Variants in SLC60A1 observed in about 807,000 individuals in gnomAD.
SLC60A1 encodes solute carrier family 60 member 1.
At chr1:205,569,858 C>G in the SLC60A1 span, among the ~76,000 whole-genome samples, 1 of 152,150 alleles carries the variant, frequency 6.6e-6, no homozygotes, top group East Asian at 1.9e-4. Flanking sequence ...CAGGCTGTCC[C>G]TTCCCCCGGG....
the SLC60A1 span, among the ~76,000 whole-genome samples, chr1:205,590,211 G>A: frequency 2.6e-5 from 4 of 152,190 alleles, no homozygotes; most frequent in Admixed American, 6.5e-5. Context: ...CAGGTGAAAC[G>A]TGGAGCAGGG....
chr1:205,577,843 A>T, the SLC60A1 span, among the ~76,000 whole-genome samples: 2 of 152,228 alleles, frequency 1.3e-5, no homozygotes, highest in East Asian at 3.8e-4. The surrounding 1 kb of genome is among the most constrained non-coding windows in gnomAD (Gnocchi z 5.2). Flanking sequence ...CTGCTATCTT[A>T]GCTTTTCTCA....
the SLC60A1 span, among the ~76,000 whole-genome samples, chr1:205,595,331 G>C: frequency 6.6e-6 from 1 of 152,144 alleles, no homozygotes; most frequent in Admixed American, 6.5e-5. Flanking sequence ...CCTCTGCCTG[G>C]AACATCCTCC....
the SLC60A1 span, among the ~76,000 whole-genome samples, chr1:205,595,971 A>ACC: frequency 6.6e-6 from 1 of 152,234 alleles, no homozygotes; most frequent in South Asian, 2.1e-4. Flanking sequence ...TGTGAGCTGG[A>ACC]CCAGAATCTA....
chr1:205,582,158 G>T, the SLC60A1 span, among the ~76,000 whole-genome samples: 2 of 152,124 alleles, frequency 1.3e-5, no homozygotes, highest in South Asian at 4.1e-4. Context: ...CTTTGGGCCC[G>T]TTCCTTCCAG....
chr1:205,578,622 G>A, the SLC60A1 span, among the ~76,000 whole-genome samples: 2 of 152,202 alleles, frequency 1.3e-5, no homozygotes, highest in Admixed American at 6.5e-5. Context: ...TGAGGGCCAA[G>A]GCCAAGAGCC....
At chr1:205,584,206 A>G in the SLC60A1 span, 2 of 1,176,222 alleles carry the variant, frequency 1.7e-6, no homozygotes, top group Non-Finnish European at 1.2e-6. Flanking sequence ...GAGTGAACCT[A>G]GATCACAGGT....
At chr1:205,583,602 T>C in the SLC60A1 span, among the ~76,000 whole-genome samples, 1 of 152,228 alleles carries the variant, frequency 6.6e-6, no homozygotes, top group Admixed American at 6.5e-5. Flanking sequence ...TTGTAAAGCA[T>C]CACGCAACCC....
At chr1:205,580,545 G>T in the SLC60A1 span, 1 of 1,348,190 alleles carries the variant, frequency 7.4e-7, no homozygotes, top group South Asian at 1.3e-5. This position sits in a 1 kb window ranked among gnomAD's most constrained non-coding sequence, Gnocchi z 5.0. Context: ...TGGGGCAGAG[G>T]GTGGGGCTGG....
the SLC60A1 span, among the ~76,000 whole-genome samples, chr1:205,578,778 A>G: frequency 2.0e-5 from 3 of 151,900 alleles, no homozygotes; most frequent in Non-Finnish European, 4.4e-5. Context: ...GCCACACTGG[A>G]GGCTGATGGG....
the SLC60A1 span, chr1:205,569,422 C>T: frequency 1.7e-6 from 1 of 585,232 alleles, no homozygotes; most frequent in Non-Finnish European, 2.4e-6. Flanking sequence ...GCCCGTCGCC[C>T]CCGCCTCCCG....
chr1:205,596,336 G>GA, the SLC60A1 span, among the ~76,000 whole-genome samples: 1 of 152,006 alleles, frequency 6.6e-6, no homozygotes, highest in Non-Finnish European at 1.5e-5. Context: ...ACCCATCCAG[G>GA]CATGGGGACC....
the SLC60A1 span, chr1:205,569,172 C>A: frequency 6.5e-7 from 1 of 1,543,362 alleles, no homozygotes; most frequent in Non-Finnish European, 8.7e-7. Flanking sequence ...CATCGCCTTC[C>A]TGGGGCCCAC....
chr1:205,599,191 G>C, the SLC60A1 span: 2 of 1,614,134 alleles, frequency 1.2e-6, no homozygotes, highest in Non-Finnish European at 1.7e-6. Flanking sequence ...TGGTTGTCTG[G>C]CTTTTACCTT....
At chr1:205,591,986 C>A in the SLC60A1 span, 1 of 1,035,058 alleles carries the variant, frequency 9.7e-7, no homozygotes, top group East Asian at 2.6e-5. Flanking sequence ...CTGCGGTTCC[C>A]GCCTGGTCCA....
the SLC60A1 span, among the ~76,000 whole-genome samples, chr1:205,583,433 C>T: frequency 3.5e-4 from 54 of 152,218 alleles, no homozygotes; most frequent in Admixed American, 4.6e-4. Context: ...GGATGCCAGG[C>T]TCCATTCTGG....
the SLC60A1 span, among the ~76,000 whole-genome samples, chr1:205,593,549 G>A: frequency 6.6e-6 from 1 of 151,696 alleles, no homozygotes; most frequent in Non-Finnish European, 1.5e-5. Flanking sequence ...GCTTCACCCA[G>A]CAGTTATCCA....
the SLC60A1 span, among the ~76,000 whole-genome samples, chr1:205,575,628 A>G: frequency 6.6e-6 from 1 of 152,162 alleles, no homozygotes; most frequent in East Asian, 1.9e-4. Flanking sequence ...TGAAGGGGGC[A>G]GCAGCAGCTC....
chr1:205,579,859 G>A, the SLC60A1 span: 744 of 1,614,022 alleles, frequency 4.6e-4, 2 homozygotes, highest in African/African-American at 2.1e-4. Context: ...CAGTCATGGC[G>A]CTGGCGGGCT....
Sources: allele counts gnomAD v4.1 joint callset (sites outside exome capture counted in the v4.1 genomes callset), GRCh38; gene constraint gnomAD v4.1.1; non-coding constraint Gnocchi (gnomAD v3.1); transcripts MANE v1.5; gene names NCBI Gene and HGNC (gene_info 2026-07-23, HGNC 2026-07-21).